The following ARID4B variants were observed in gnomAD, a reference collection of about 807,000 sequenced individuals.
The protein encoded by ARID4B is AT-rich interaction domain 4B.
In ARID4B, 26 loss-of-function variants were observed where a neutral mutation model predicts 147.5. That is an observed-to-expected ratio of 0.18 (90% CI 0.13 to 0.24). The LOEUF (loss-of-function observed/expected upper bound fraction) is 0.24, where lower values mean the gene tolerates loss of function less well. Ranked by LOEUF, ARID4B falls within the 10% of genes least tolerant of loss-of-function variation. The probability of loss-of-function intolerance (pLI) is 1.00; values close to 1 mark genes in which losing one functional copy is unlikely to be tolerated. For synonymous variants in ARID4B, 512 were observed against 507.9 expected (o/e 1.01, Z -0.11); for missense variants, 1,179 against 1,511.5 (o/e 0.78, Z 3.65).
chr1:235,194,071 GT>G lies in ARID4B; in HGVS notation c.2066del (p.Asn689ThrfsTer10). The G allele has an allele frequency of 6.2e-7, 1 of 1,612,966 alleles. No individual in the cohort carries two copies. On this transcript the variant is annotated frameshift_variant, in exon 19 of 24. Coordinates refer to ENST00000264183, the MANE Select transcript of ARID4B (RefSeq NM_016374.6). LOFTEE classifies it high-confidence loss of function. ...TGGACTTAATATGAGCAGTATCAGAGTTTTTGGCATCAGTGAGATCCAGTTT... is the reference window on the plus strand; with the variant it reads ...TGGACTTAATATGAGCAGTATCAGAGTTTTGGCATCAGTGAGATCCAGTTT... ...VSKLDLTDAK[N>X]SDTAHIKSIE...
intron 20 of ARID4B, among the ~76,000 whole-genome samples, chr1:235,179,107 T>TA (rs1664095228): frequency 6.6e-6 from 1 of 152,156 alleles, no homozygotes; most frequent in African/African-American, 2.4e-5. Context: ...ACCTTCAATG[T>TA]AGAGTAAATT....
chr1:235,179,525 C>CCAAAAA (rs1664132857), intron 20 of ARID4B, among the ~76,000 whole-genome samples: 1 of 48,360 alleles, frequency 2.1e-5, no homozygotes, highest in African/African-American at 5.7e-5. Flanking sequence ...CTCTATGTCT[C>CCAAAAA]AAAAAAAAAA....
At chr1:235,177,153 ATTGT>A (rs1223769652) in intron 21 of ARID4B, among the ~76,000 whole-genome samples, 1 of 152,218 alleles carries the variant, frequency 6.6e-6, no homozygotes, top group African/African-American at 2.4e-5. Context: ...AGTTATCTTG[ATTGT>A]TATACTTCTA....
intron 7 of ARID4B, among the ~76,000 whole-genome samples, chr1:235,245,259 T>G (rs1669227893): frequency 6.6e-6 from 1 of 152,170 alleles, no homozygotes; most frequent in Non-Finnish European, 1.5e-5. Context: ...AATGCGTGCT[T>G]TATTCTCATA....
chr1:235,237,987 C>T (rs892799225), intron 8 of ARID4B, among the ~76,000 whole-genome samples: 15 of 151,972 alleles, frequency 9.9e-5, no homozygotes, highest in Admixed American at 5.9e-4. Flanking sequence ...GCTGTCTCTA[C>T]TAAAAATACA....
rs187365371 is a variant in ARID4B at position 235,282,866 on chromosome 1, C to T, written c.7-22114G>A. Among the ~76,000 whole-genome samples the T allele has an allele frequency of 1.4e-3, 206 of 152,240 alleles. 2 individuals carry two copies. Among genetic ancestry groups the T allele is most frequent in the African/African-American group, 4.5e-3 (185 of 41,534 alleles). ...CACGATCTCGGCTCACTGCAACCTC[C>T]GCCTACCGGGTTCACGCCATTCTCC... On this transcript the variant is annotated intron_variant, in intron 2 of 23. Coordinates refer to ENST00000264183, the MANE Select transcript of ARID4B (RefSeq NM_016374.6).
chr1:235,227,762 C>T (rs185764892), intron 11 of ARID4B, among the ~76,000 whole-genome samples: 32 of 151,656 alleles, frequency 2.1e-4, no homozygotes, highest in African/African-American at 7.0e-4. Flanking sequence ...ACTATCTACC[C>T]ATTTGTCTTA....
In ARID4B at chr1:235,213,914, A is replaced by G; in HGVS notation, c.1696T>C (p.Phe566Leu). Residue 566 changes from phenylalanine to leucine, a missense_variant, in exon 17 of 24, where the codon TTT becomes CTT. Physicochemically the swap from Phe to Leu is conservative, Grantham distance 22 (BLOSUM62 0). Around this residue, in one of 10 missense-constraint regions of ARID4B, gnomAD observed 204 missense variants for 210.9 expected, o/e 0.97. Coordinates refer to ENST00000264183, the MANE Select transcript of ARID4B (RefSeq NM_016374.6). ...DDDDNNEEEE[F>L]ECYPPGMKVQ... ...TTCATGCCTGGTGGATAGCACTCAA[A>G]CTCCTCTTCCTCATTGTTGTCATCA... 6.2e-7 allele frequency: 1 copy of G among 1,612,442 alleles called. No individual in the cohort carries two copies. Among genetic ancestry groups the G allele is most frequent in the Non-Finnish European group, 8.5e-7 (1 of 1,179,490 alleles).
At chr1:235,269,780 GA>G (rs1558263969) in intron 2 of ARID4B, among the ~76,000 whole-genome samples, 1 of 152,054 alleles carries the variant, frequency 6.6e-6, no homozygotes, top group African/African-American at 2.4e-5. Flanking sequence ...TCTGGTGAAG[GA>G]GATTACATGA....
chr1:235,311,843 A>C (rs1414510744), intron 2 of ARID4B, among the ~76,000 whole-genome samples: 1 of 152,208 alleles, frequency 6.6e-6, no homozygotes, highest in African/African-American at 2.4e-5. Context: ...GCACTGCTAC[A>C]TACCTGCAAA....
intron 20 of ARID4B, chr1:235,180,177 T>C (rs1219733036): frequency 6.9e-6 from 1 of 143,992 alleles, no homozygotes; most frequent in East Asian, 2.0e-4. Flanking sequence ...GGTCTTGTTT[T>C]ATCACCCAGG....
At position 235,236,836 on chromosome 1, in the gene ARID4B, A is replaced by ATATATATATATATATATATATGTGTG. The variant is rs1553299976; in HGVS notation, c.586-2345_586-2344insCACACATATATATATATATATATATA. ...CCCACAAAACGGTTTTATAAAAAAT[A>ATATATATATATATATATATATGTGTG]TATATATATATATATATATATATAT... On this transcript the variant is annotated intron_variant, in intron 8 of 23. Coordinates refer to ENST00000264183, the MANE Select transcript of ARID4B (RefSeq NM_016374.6). 6.9e-4 allele frequency among the ~76,000 whole-genome samples: 17 copies of ATATATATATATATATATATATGTGTG among 24,794 alleles called. 3 individuals carry two copies. The highest frequency in any genetic ancestry group is 6.4e-3 in the Admixed American group (9 of 1,408). 16.3% of individuals were successfully genotyped at this position (24,794 alleles called of 152,430 possible).
intron 2 of ARID4B, among the ~76,000 whole-genome samples, chr1:235,315,801 C>T (rs1235372917): frequency 6.6e-6 from 1 of 152,106 alleles, no homozygotes; most frequent in Non-Finnish European, 1.5e-5. Context: ...ACTATTCTTG[C>T]CTTAGATAAC....
At chr1:235,286,907 A>C (rs1572157942) in intron 2 of ARID4B, among the ~76,000 whole-genome samples, 1 of 152,216 alleles carries the variant, frequency 6.6e-6, no homozygotes, top group Non-Finnish European at 1.5e-5. Flanking sequence ...GGATGGAGAG[A>C]GAAGAACTGG....
chr1:235,259,661 G>T (rs1021441680), intron 3 of ARID4B, among the ~76,000 whole-genome samples: 10 of 152,154 alleles, frequency 6.6e-5, no homozygotes, highest in African/African-American at 2.2e-4. Context: ...GCCAAGACTA[G>T]CCCCCTACCA....
At chr1:235,271,104 G>A (rs1269665761) in intron 2 of ARID4B, among the ~76,000 whole-genome samples, 1 of 152,092 alleles carries the variant, frequency 6.6e-6, no homozygotes, top group Non-Finnish European at 1.5e-5. Flanking sequence ...TGTAATCCCA[G>A]CACTTCGGGA....
intron 17 of ARID4B, among the ~76,000 whole-genome samples, chr1:235,199,247 T>C (rs1285890354): frequency 6.6e-6 from 1 of 152,224 alleles, no homozygotes; most frequent in Non-Finnish European, 1.5e-5. Context: ...ACTTAACAGA[T>C]CTATAAATAT....
intron 1 of ARID4B, chr1:235,327,393 C>T (rs1209210308): frequency 6.6e-6 from 1 of 152,338 alleles, no homozygotes; most frequent in Non-Finnish European, 1.5e-5. Context: ...GCCTGTGGGC[C>T]GCGGGCAGGA....
At position 235,290,072 on chromosome 1, in the gene ARID4B, T is replaced by C. The variant is rs1572164782; in HGVS notation, c.7-29320A>G. 2.0e-5 allele frequency among the ~76,000 whole-genome samples: 3 copies of C among 151,768 alleles called. No homozygotes were observed. In the East Asian group the frequency reaches 5.8e-4, roughly 29 times the overall value. On this transcript the variant is annotated intron_variant, in intron 2 of 23. Transcript: ENST00000264183. ...CCCACACCATTTTTCACTATCAGAT[T>C]GGCAAAAATTCAGAAATTCAGAAGT...
Sources: allele counts gnomAD v4.1 joint callset (sites outside exome capture counted in the v4.1 genomes callset), GRCh38; gene constraint gnomAD v4.1.1; regional missense constraint gnomAD v4.1.1; transcripts MANE v1.5; gene names NCBI Gene and HGNC (gene_info 2026-07-23, HGNC 2026-07-21).